AHCYL2: variants seen among roughly 807,000 people sequenced by gnomAD.
AHCYL2 encodes S-adenosylhomocysteine hydrolase-like protein 2.
A neutral mutation model predicts 81.4 loss-of-function variants in AHCYL2; 28 were observed. That is an observed-to-expected ratio of 0.34 (90% CI 0.25 to 0.47). The LOEUF (loss-of-function observed/expected upper bound fraction) is 0.47. Among genes scored for constraint, AHCYL2 ranks in the 20% least tolerant of loss-of-function variants. The pLI is 1.00. For synonymous variants in AHCYL2, 272 were observed against 290.2 expected (o/e 0.94, Z 0.64); for missense variants, 551 against 785.1 (o/e 0.70, Z 3.56).
chr7:129,322,186 CTGGAGTCCAGTG>C lies in AHCYL2; in HGVS notation c.364-57451_364-57440del, dbSNP rs554505506. On this transcript the variant is annotated intron_variant, in intron 1 of 16. Coordinates refer to ENST00000325006, the MANE Select transcript of AHCYL2 (RefSeq NM_015328.4). The stretch of plus-strand genomic sequence containing the variant: ...TTGTTTGTTTGCCCTGTTACCCAGG[CTGGAGTCCAGTG>C]GCGTGATCTTGGCTCACTGCAACCT... Among the ~76,000 whole-genome samples the C allele has an allele frequency of 3.4e-3, 515 of 152,200 alleles. 1 individual carries two copies. Among genetic ancestry groups the C allele is most frequent in the African/African-American group, 0.012 (498 of 41,534 alleles).
intron 1 of AHCYL2, among the ~76,000 whole-genome samples, chr7:129,249,636 A>G (rs1393557402): frequency 6.6e-6 from 1 of 151,524 alleles, no homozygotes; most frequent in Non-Finnish European, 1.5e-5. Flanking sequence ...CTTGTTAGCC[A>G]GGATGGTCTC....
intron 1 of AHCYL2, among the ~76,000 whole-genome samples, chr7:129,282,054 T>C (rs970437650): frequency 2.0e-5 from 3 of 152,240 alleles, no homozygotes; most frequent in African/African-American, 4.8e-5. Context: ...TTTCCTTTGT[T>C]GATTCCTAAT....
At chr7:129,421,913 C>T (rs1433107043) in intron 12 of AHCYL2, among the ~76,000 whole-genome samples, 1 of 152,134 alleles carries the variant, frequency 6.6e-6, no homozygotes, top group African/African-American at 2.4e-5. Flanking sequence ...TGGTATGTAC[C>T]CTGTAAATCA....
chr7:129,243,165 C>T (rs1794926293), intron 1 of AHCYL2, among the ~76,000 whole-genome samples: 2 of 151,692 alleles, frequency 1.3e-5, no homozygotes, highest in Admixed American at 6.6e-5. Flanking sequence ...GGATTACAGG[C>T]GCCTGCCACT....
intron 1 of AHCYL2, among the ~76,000 whole-genome samples, chr7:129,336,546 G>A (rs985903557): frequency 2.0e-5 from 3 of 152,056 alleles, no homozygotes; most frequent in Non-Finnish European, 2.9e-5. Context: ...ACAGGAGTTT[G>A]GACCTTATTC....
chr7:129,422,963 C>G, intron 13 of AHCYL2, 25 bp downstream of exon 13: 1 of 1,605,286 alleles, frequency 6.2e-7, no homozygotes, highest in South Asian at 1.1e-5. Context: ...GGCAAAAATA[C>G]TCCCCCACAA....
At chr7:129,397,363 CTATTT>C in intron 5 of AHCYL2, 39 bp downstream of exon 5, 1 of 1,563,830 alleles carries the variant, frequency 6.4e-7, no homozygotes. Context: ...TAAAGTAAGT[CTATTT>C]GGAGACTTAC....
intron 1 of AHCYL2, among the ~76,000 whole-genome samples, chr7:129,350,599 C>A (rs1793524247): frequency 6.6e-6 from 1 of 151,864 alleles, no homozygotes; most frequent in Non-Finnish European, 1.5e-5. Flanking sequence ...GTTGGCCAGG[C>A]TGGTCTCGAA....
At chr7:129,276,227 T>G (rs1470645779) in intron 1 of AHCYL2, among the ~76,000 whole-genome samples, 1 of 151,692 alleles carries the variant, frequency 6.6e-6, no homozygotes, top group Non-Finnish European at 1.5e-5. Context: ...AAAGCAGCAT[T>G]TAGAGGGAAA....
chr7:129,377,513 A>G (rs1794743056), intron 1 of AHCYL2: 2 of 456,462 alleles, frequency 4.4e-6, no homozygotes, highest in Non-Finnish European at 8.8e-6. Flanking sequence ...GCAATACTCA[A>G]GTGACTCATT....
chr7:129,423,689 C>CT, intron 13 of AHCYL2, among the ~76,000 whole-genome samples: 1 of 151,578 alleles, frequency 6.6e-6, no homozygotes, highest in East Asian at 1.9e-4. Flanking sequence ...GGTTTTTTTT[C>CT]TTTTTTTATA....
At chr7:129,352,084 C>G (rs1409328975) in intron 1 of AHCYL2, among the ~76,000 whole-genome samples, 2 of 151,790 alleles carry the variant, frequency 1.3e-5, no homozygotes, top group African/African-American at 2.4e-5. Context: ...TAAAGTACTT[C>G]GGCTGCATGC....
At chr7:129,253,591 A>T (rs578158509) in intron 1 of AHCYL2, among the ~76,000 whole-genome samples, 1 of 152,270 alleles carries the variant, frequency 6.6e-6, no homozygotes, top group African/African-American at 2.4e-5. Flanking sequence ...ATAATCCCAG[A>T]GTTATAAGGT....
intron 5 of AHCYL2, among the ~76,000 whole-genome samples, chr7:129,399,813 A>G (rs940193852): frequency 6.5e-5 from 9 of 138,104 alleles, no homozygotes; most frequent in Non-Finnish European, 9.2e-5. Context: ...TGCAACCTCC[A>G]CCTCCCAGGT....
At chr7:129,296,957 C>T (rs1309978171) in intron 1 of AHCYL2, among the ~76,000 whole-genome samples, 1 of 152,110 alleles carries the variant, frequency 6.6e-6, no homozygotes, top group African/African-American at 2.4e-5. Context: ...CAGTTGGAGT[C>T]CTTACCCTTG....
rs370610639 is a variant in AHCYL2 at position 129,305,097 on chromosome 7, C to T, written c.364-74541C>T. 3.2e-3 allele frequency among the ~76,000 whole-genome samples: 489 copies of T among 152,108 alleles called. 6 individuals carry two copies. In the South Asian group the frequency reaches 0.045, roughly 14 times the overall value. ...TTACCATGAAGTTTGCAAATAATAT[C>T]TTATAACCCATTATTTTAAACTGAT... is the stretch of plus-strand genomic sequence containing the variant. On this transcript the variant is annotated intron_variant, in intron 1 of 16. Coordinates refer to ENST00000325006, the MANE Select transcript of AHCYL2 (RefSeq NM_015328.4).
intron 1 of AHCYL2, among the ~76,000 whole-genome samples, chr7:129,315,436 T>G (rs1409156681): frequency 6.6e-6 from 1 of 152,194 alleles, no homozygotes; most frequent in East Asian, 1.9e-4. Flanking sequence ...GCATCCCACA[T>G]GTTCAGCACT....
chr7:129,385,588 A>G (rs554129392), intron 2 of AHCYL2, among the ~76,000 whole-genome samples: 1 of 152,320 alleles, frequency 6.6e-6, no homozygotes, highest in Non-Finnish European at 1.5e-5. Flanking sequence ...CTACGTAGAA[A>G]CTGAACCCTT....
At chr7:129,416,772 C>G (rs186144121) in intron 12 of AHCYL2, among the ~76,000 whole-genome samples, 1 of 151,924 alleles carries the variant, frequency 6.6e-6, no homozygotes, top group Non-Finnish European at 1.5e-5. Context: ...TGCACTCCAG[C>G]CTGGGTGACA....
Sources: allele counts gnomAD v4.1 joint callset (sites outside exome capture counted in the v4.1 genomes callset), GRCh38; gene constraint gnomAD v4.1.1; transcripts MANE v1.5; gene names NCBI Gene and HGNC (gene_info 2026-07-23, HGNC 2026-07-21).